ABCA13: variants seen among roughly 807,000 people sequenced by gnomAD.
ABCA13 encodes the protein ATP-binding cassette sub-family A member 13.
Under a neutral mutation model 478.7 loss-of-function variants are expected in ABCA13, and 476 were observed. The observed-to-expected ratio is 0.99, with a 90% CI of 0.92 to 1.07. The LOEUF (loss-of-function observed/expected upper bound fraction) is 1.07. Ranked by LOEUF, ABCA13 falls within the 50% of genes least tolerant of loss-of-function variation. The pLI, the probability that ABCA13 is intolerant of heterozygous loss-of-function variation, is 0.00. For synonymous variants in ABCA13, 2,252 were observed against 2,158.9 expected (o/e 1.04, Z -1.20); for missense variants, 6,060 against 5,910.6 (o/e 1.03, Z -0.83).
chr7:48,401,928 G>A (rs988658998), intron 38 of ABCA13, among the ~76,000 whole-genome samples: 4 of 152,166 alleles, frequency 2.6e-5, no homozygotes, highest in African/African-American at 9.7e-5. Flanking sequence ...ATATAATAGA[G>A]AGCAGGCCCC....
At chr7:48,317,073 A>T in intron 26 of ABCA13, 84 bp from the exon 27 acceptor site, 1 of 1,480,646 alleles carries the variant, frequency 6.8e-7, no homozygotes, top group Non-Finnish European at 9.0e-7. Context: ...AAAATGAGGC[A>T]TCCTGGATAT....
intron 48 of ABCA13, among the ~76,000 whole-genome samples, chr7:48,491,632 A>T (rs906622702): frequency 9.2e-5 from 14 of 152,216 alleles, no homozygotes; most frequent in African/African-American, 3.4e-4. Context: ...TTGTTGATGC[A>T]TCATCATGGG....
rs1043999880 is a variant in ABCA13 at position 48,643,454 on chromosome 7, C to T, written c.14943+61C>T. ...AGCTAAAAAAAAATAATAAATGTAC[C>T]TGTCTTTTTTTGTTTTTATTCTATG... On this transcript the variant is annotated intron_variant, in intron 60 of 61. Coordinates refer to ENST00000435803, the MANE Select transcript of ABCA13 (RefSeq NM_152701.5). 2.2e-5 allele frequency: 31 copies of T among 1,405,458 alleles called. No individual in the cohort carries two copies. In the Admixed American group the frequency reaches 4.4e-4, roughly 20 times the overall value. 87.1% of individuals were successfully genotyped at this position (1,405,458 alleles called of 1,614,324 possible).
chr7:48,218,218 T>A (rs1786779909), intron 3 of ABCA13, among the ~76,000 whole-genome samples: 1 of 152,204 alleles, frequency 6.6e-6, no homozygotes, highest in Non-Finnish European at 1.5e-5. Context: ...ATCTGATAAT[T>A]CTATGGTTTC....
chr7:48,311,989 T>A (rs1042361157), intron 24 of ABCA13, among the ~76,000 whole-genome samples: 1 of 152,200 alleles, frequency 6.6e-6, no homozygotes, highest in African/African-American at 2.4e-5. Context: ...CACTTTTTTT[T>A]AAAGGGCAGC....
chr7:48,179,072 G>A (rs958179840), intron 1 of ABCA13, among the ~76,000 whole-genome samples: 7 of 151,686 alleles, frequency 4.6e-5, no homozygotes, highest in African/African-American at 1.7e-4. Flanking sequence ...ACTTGTGAAT[G>A]CAGGTCTCCT....
chr7:48,628,584 T>C (rs1006370326), intron 59 of ABCA13, among the ~76,000 whole-genome samples: 1 of 152,210 alleles, frequency 6.6e-6, no homozygotes, highest in Non-Finnish European at 1.5e-5. Flanking sequence ...TTTCTGTCAC[T>C]GTACATGAAT....
intron 3 of ABCA13, among the ~76,000 whole-genome samples, chr7:48,200,324 G>A (rs563575336): frequency 5.3e-5 from 8 of 152,258 alleles, no homozygotes; most frequent in African/African-American, 7.2e-5. Flanking sequence ...CCAAGATTGC[G>A]CCACTGCACT....
intron 27 of ABCA13, among the ~76,000 whole-genome samples, chr7:48,319,781 G>A (rs923746028): frequency 4.6e-5 from 7 of 152,088 alleles, no homozygotes; most frequent in African/African-American, 9.7e-5. Context: ...TGTGACCTTG[G>A]GCTTATTGCA....
chr7:48,383,347 CTG>C (rs1276832635), intron 35 of ABCA13, among the ~76,000 whole-genome samples: 8 of 152,166 alleles, frequency 5.3e-5, no homozygotes, highest in Non-Finnish European at 1.2e-4. Flanking sequence ...GTGTGAATGC[CTG>C]TGTGTGTGCA....
chr7:48,313,269 A>C, intron 25 of ABCA13, 38 bp downstream of exon 25: 2 of 1,562,520 alleles, frequency 1.3e-6, no homozygotes, highest in South Asian at 2.4e-5. Flanking sequence ...AAATATTCAA[A>C]TTTGCCCCTT....
chr7:48,255,727 G>A (rs1793284629), intron 15 of ABCA13, among the ~76,000 whole-genome samples: 2 of 152,002 alleles, frequency 1.3e-5, no homozygotes, highest in Admixed American at 1.3e-4. Flanking sequence ...ACATCTAGCT[G>A]GATTCCATGA....
intron 3 of ABCA13, among the ~76,000 whole-genome samples, chr7:48,217,681 T>C (rs1483926513): frequency 2.0e-5 from 3 of 152,184 alleles, no homozygotes; most frequent in Non-Finnish European, 4.4e-5. Flanking sequence ...CATGTACTTC[T>C]GACAACCTCA....
intron 42 of ABCA13, among the ~76,000 whole-genome samples, chr7:48,443,756 C>A (rs922251303): frequency 6.6e-6 from 1 of 152,170 alleles, no homozygotes; most frequent in Non-Finnish European, 1.5e-5. Context: ...CTCCTCGTGC[C>A]TCCGGTTCCT....
chr7:48,254,925 GC>G (rs1358035080), intron 15 of ABCA13, among the ~76,000 whole-genome samples: 1 of 152,090 alleles, frequency 6.6e-6, no homozygotes, highest in African/African-American at 2.4e-5. Flanking sequence ...AACAACAGTT[GC>G]CCACAGTGGA....
rs1015422625 is a variant in ABCA13 at position 48,544,092 on chromosome 7, A to G, written c.14354+15747A>G. Among the ~76,000 whole-genome samples, 4 of 151,714 alleles carry G rather than the reference A, an allele frequency of 2.6e-5. No homozygotes were observed. The Admixed American group carries it at 2.6e-4, about 10-fold the overall frequency. ...AATCATTTAAAATAATATTAAATAT[A>G]TTAAAATGGAAGATTAGCATAACTT... On this transcript the variant is annotated intron_variant, in intron 55 of 61. Transcript: ENST00000435803.
chr7:48,536,069 G>C (rs1563406969), intron 55 of ABCA13, among the ~76,000 whole-genome samples: 2 of 152,186 alleles, frequency 1.3e-5, no homozygotes, highest in Admixed American at 6.5e-5. Context: ...GGTAATTCTT[G>C]TAGCAAAAGT....
Position 48,193,069 on chromosome 7 carries a change from A to T in ABCA13, c.163+17A>T. The T allele has an allele frequency of 1.3e-6, 2 of 1,504,556 alleles. No individual in the cohort carries two copies. Among genetic ancestry groups the T allele is most frequent in the South Asian group, 1.3e-5 (1 of 78,928 alleles). 93.2% of individuals were successfully genotyped at this position (1,504,556 alleles called of 1,614,324 possible). On this transcript the variant is annotated intron_variant, in intron 2 of 61. Coordinates refer to ENST00000435803, the MANE Select transcript of ABCA13 (RefSeq NM_152701.5). ...GAGACATTTGTAAGTTTCACTTTTT[A>T]ATATACTTTTTGAATTAACCTTTGG... is the stretch of plus-strand genomic sequence containing the variant.
intron 27 of ABCA13, among the ~76,000 whole-genome samples, chr7:48,326,994 T>A (rs1315497659): frequency 6.6e-6 from 1 of 152,220 alleles, no homozygotes; most frequent in African/African-American, 2.4e-5. Context: ...CATTTGCTCA[T>A]AGTTCCAGAA....
Sources: gnomAD v4.1 joint callset for allele counts (sites outside exome capture counted in the v4.1 genomes callset) on GRCh38, gnomAD v4.1.1 for gene constraint, MANE v1.5 for transcripts, NCBI Gene and HGNC (gene_info 2026-07-23, HGNC 2026-07-21) for gene names.